Variants in DGKI observed in about 807,000 individuals in gnomAD.
The protein encoded by DGKI is diacylglycerol kinase iota.
In DGKI, 55 loss-of-function variants were observed where a neutral mutation model predicts 147.5. The ratio of observed to expected loss-of-function variants is 0.37; its 90% confidence interval spans 0.30 to 0.47. The LOEUF (loss-of-function observed/expected upper bound fraction) is 0.47, where lower values mean the gene tolerates loss of function less well. Among genes scored for constraint, DGKI ranks in the 20% least tolerant of loss-of-function variants. The probability of loss-of-function intolerance (pLI) is 1.00; values close to 1 mark genes in which losing one functional copy is unlikely to be tolerated. For synonymous variants in DGKI, 469 were observed against 477.1 expected (o/e 0.98, Z 0.22); for missense variants, 1,007 against 1,323.8 (o/e 0.76, Z 3.71).
chr7:137,438,927 T>C (rs1813387164), intron 28 of DGKI, among the ~76,000 whole-genome samples: 1 of 152,174 alleles, frequency 6.6e-6, no homozygotes. Flanking sequence ...ATGAGTTATA[T>C]ATCCACGTAT....
chr7:137,720,311 G>A (rs1448266196), intron 1 of DGKI, among the ~76,000 whole-genome samples: 1 of 129,964 alleles, frequency 7.7e-6, no homozygotes, highest in African/African-American at 2.8e-5. Flanking sequence ...AGGCTGGACT[G>A]CAGTGGTGCG....
At chr7:137,402,355 T>C (rs1190180423) in intron 30 of DGKI, among the ~76,000 whole-genome samples, 6 of 152,194 alleles carry the variant, frequency 3.9e-5, no homozygotes, top group Non-Finnish European at 2.9e-5. Flanking sequence ...GAAAATTCTG[T>C]TAAGTGGACA....
At chr7:137,462,365 A>G (rs1461905906) in intron 27 of DGKI, among the ~76,000 whole-genome samples, 1 of 152,192 alleles carries the variant, frequency 6.6e-6, no homozygotes, top group Non-Finnish European at 1.5e-5. Flanking sequence ...GAAACTAACA[A>G]CACAGTTTAA....
chr7:137,706,573 A>ATTTTTTTTTTTTTTTTTTTT (rs1794037143), intron 1 of DGKI, among the ~76,000 whole-genome samples: 1 of 130,064 alleles, frequency 7.7e-6, no homozygotes, highest in Non-Finnish European at 1.7e-5. Context: ...TTTTATTTTT[A>ATTTTTTTTTTTTTTTTTTTT]TTTTTATTTT....
At chr7:137,745,847 A>C (rs891441454) in intron 1 of DGKI, among the ~76,000 whole-genome samples, 6 of 152,242 alleles carry the variant, frequency 3.9e-5, no homozygotes, top group African/African-American at 1.2e-4. Flanking sequence ...TGAAAACGTG[A>C]AGAAGGAAAA....
chr7:137,832,484 G>A (rs2117075353), intron 1 of DGKI, among the ~76,000 whole-genome samples: 1 of 152,366 alleles, frequency 6.6e-6, no homozygotes, highest in African/African-American at 2.4e-5. Flanking sequence ...AATAGCTCAA[G>A]CTATACCTTG....
chr7:137,573,950 T>C (rs1024696865), intron 17 of DGKI, among the ~76,000 whole-genome samples: 4 of 152,264 alleles, frequency 2.6e-5, no homozygotes, highest in Admixed American at 6.5e-5. Flanking sequence ...GACTTTCCGA[T>C]GTCAAAGGCG....
chr7:137,791,608 A>G (rs1428304690), intron 1 of DGKI, among the ~76,000 whole-genome samples: 2 of 152,208 alleles, frequency 1.3e-5, no homozygotes, highest in Non-Finnish European at 2.9e-5. Flanking sequence ...CTGCAGCTGT[A>G]TATGGGAAGG....
intron 19 of DGKI, among the ~76,000 whole-genome samples, chr7:137,562,609 T>C (rs1443611025): frequency 6.6e-6 from 1 of 152,120 alleles, no homozygotes. Context: ...TTGATAAAAT[T>C]ACTTGTATCC....
chr7:137,480,539 A>G (rs1181529350), intron 23 of DGKI, among the ~76,000 whole-genome samples: 3 of 152,170 alleles, frequency 2.0e-5, no homozygotes, highest in African/African-American at 7.2e-5. Context: ...GGCATGTAGG[A>G]ACAAAGGACA....
rs567072180 is a variant in DGKI, at chr7:137,478,437, A to T, written c.2373+6937T>A. The stretch of plus-strand genomic sequence containing the variant: ...TACACCTTTCTCTTGTACTTCAAAA[A>T]AATAATAATAATTGGAGTGTAAGTG... On this transcript the variant is annotated intron_variant, in intron 23 of 32. Transcript: ENST00000614521. Among the ~76,000 whole-genome samples, 20 of 152,334 alleles carry T rather than the reference A, an allele frequency of 1.3e-4. No individual in the cohort carries two copies. The South Asian group carries it at 2.1e-3, about 16-fold the overall frequency.
intron 1 of DGKI, among the ~76,000 whole-genome samples, chr7:137,798,113 A>G (rs1332926820): frequency 2.0e-5 from 3 of 152,148 alleles, no homozygotes; most frequent in African/African-American, 7.2e-5. Flanking sequence ...AAATTCCTAT[A>G]AAGACATAAA....
intron 12 of DGKI, among the ~76,000 whole-genome samples, chr7:137,590,181 A>G (rs1485147175): frequency 1.3e-5 from 2 of 152,246 alleles, no homozygotes; most frequent in Non-Finnish European, 2.9e-5. Flanking sequence ...TGGAGAAATA[A>G]AAGTGTGTGC....
chr7:137,790,272 T>TG (rs1295205599), intron 1 of DGKI, among the ~76,000 whole-genome samples: 5 of 141,746 alleles, frequency 3.5e-5, no homozygotes, highest in South Asian at 2.3e-4. Context: ...ACACACACAC[T>TG]GGAACCACTC....
chr7:137,484,643 G>A (rs752788005), intron 23 of DGKI, among the ~76,000 whole-genome samples: 1 of 152,008 alleles, frequency 6.6e-6, no homozygotes, highest in Non-Finnish European at 1.5e-5. Context: ...ATAAGAGGAT[G>A]GCTGAAGAGA....
rs1473120533 is a variant in DGKI at position 137,722,573 on chromosome 7, C to T, written c.402-32571G>A. On this transcript the variant is annotated intron_variant, in intron 1 of 32. Coordinates refer to ENST00000614521, the MANE Select transcript of DGKI (RefSeq NM_001321708.2). ...AGAACACACCAGAAATTTGTCATTG[C>T]CACCTCAACCAAAATCGATATCAGC... The T allele has an allele frequency of 1.0e-5, 16 of 1,574,144 alleles. 1 individual carries two copies. The Admixed American group carries it at 1.3e-4, about 13-fold the overall frequency.
intron 26 of DGKI, among the ~76,000 whole-genome samples, 160 bp from the exon 27 acceptor site, chr7:137,463,771 A>G (rs1814545031): frequency 6.6e-6 from 1 of 152,136 alleles, no homozygotes; most frequent in Non-Finnish European, 1.5e-5. Context: ...TCATTCATTT[A>G]TCTCAACAAT....
chr7:137,399,015 T>TTTTTTTA (rs1554396008), intron 30 of DGKI, among the ~76,000 whole-genome samples: 1 of 146,582 alleles, frequency 6.8e-6, no homozygotes, highest in African/African-American at 2.5e-5. Flanking sequence ...TTTTTTTTTT[T>TTTTTTTA]CACAAAAGCT....
At chr7:137,397,278 A>C in intron 31 of DGKI, 99 bp downstream of exon 31, 1 of 1,151,934 alleles carries the variant, frequency 8.7e-7, no homozygotes, top group Non-Finnish European at 1.2e-6. Context: ...GAATTAATTA[A>C]GTTAAAATTA....
Sources: gnomAD v4.1 joint callset for allele counts (sites outside exome capture counted in the v4.1 genomes callset) on GRCh38, gnomAD v4.1.1 for gene constraint, MANE v1.5 for transcripts, NCBI Gene and HGNC (gene_info 2026-07-23, HGNC 2026-07-21) for gene names.